The following ACSF2 variants were observed in gnomAD, a reference collection of about 807,000 sequenced individuals.
ACSF2 encodes the protein medium-chain acyl-CoA ligase ACSF2, mitochondrial.
Under a neutral mutation model 79.3 loss-of-function variants are expected in ACSF2, and 52 were observed. The observed-to-expected ratio is 0.66, with a 90% CI of 0.53 to 0.83. ACSF2 has a LOEUF of 0.83. ACSF2 is among the 40% of genes least tolerant of loss of function. ACSF2 has a pLI of 0.00. For synonymous variants in ACSF2, 283 were observed against 312.6 expected (o/e 0.91, Z 1.00); for missense variants, 661 against 803.3 (o/e 0.82, Z 2.14).
chr17:50,463,485 G>A lies in ACSF2; in HGVS notation c.979G>A (p.Ala327Thr). ...AGTMMCLMYG[A>T]TLILASPIFN... ...CACAATGATGTGTCTGATGTACGGT[G>A]CCACCCTCATCCTGGCCTCTCCCAT... The change falls in exon 8 of 16, where the codon GCC becomes ACC. Residue 327 changes from alanine (A) to threonine (T), a missense_variant. Transcript: ENST00000300441. The surrounding 1 kb of genome is among the most constrained non-coding windows in gnomAD (Gnocchi z 4.6). 1.9e-6 allele frequency: 3 copies of A among 1,614,168 alleles called. No individual in the cohort carries two copies. The highest frequency in any genetic ancestry group is 2.5e-6 in the Non-Finnish European group (3 of 1,180,046).
In ACSF2 at chr17:50,471,114, C is replaced by G; in HGVS notation, c.1302C>G (p.Gly434=). The G allele has an allele frequency of 6.2e-7, 1 of 1,613,938 alleles. No homozygotes were observed. Among genetic ancestry groups the G allele is most frequent in the Non-Finnish European group, 8.5e-7 (1 of 1,179,924 alleles). The change falls in exon 11 of 16, where the codon GGC becomes GGG. Residue 434 remains glycine (G), a synonymous_variant. Transcript: ENST00000300441. This position sits in a 1 kb window ranked among gnomAD's most constrained non-coding sequence, Gnocchi z 4.1. ...TGGAGCAGAAGGCAGAAAGCGTGGG[C>G]AGAATTATGCCTCACACGGAGGTGA... ...DTVEQKAESV[G]RIMPHTEARI... is the part of the protein sequence containing the mutation.
intron 1 of ACSF2, among the ~76,000 whole-genome samples, chr17:50,439,361 C>T (rs867393181): frequency 6.6e-6 from 1 of 151,728 alleles, no homozygotes; most frequent in Non-Finnish European, 1.5e-5. Context: ...AGGCATGAGC[C>T]ACCGTGTCCA....
chr17:50,461,951 T>TGTGTGTGTGTGTGTGTGTGC (rs112810352), intron 4 of ACSF2, among the ~76,000 whole-genome samples: 8 of 150,482 alleles, frequency 5.3e-5, no homozygotes, highest in African/African-American at 2.0e-4. Flanking sequence ...TGTGTGTGTG[T>TGTGTGTGTGTGTGTGTGTGC]GCGTGTGTCC....
At chr17:50,468,210 C>G in intron 10 of ACSF2, 1 of 1,613,196 alleles carries the variant, frequency 6.2e-7, no homozygotes. Context: ...TTCCTGTCCA[C>G]GTGGAATTTG....
At position 50,473,735 on chromosome 17, in the gene ACSF2, G is replaced by A; in HGVS notation, c.1546G>A (p.Gly516Ser). ...CCGCTCTAAGGATATGATCATCCGG[G>A]GTGGTGAGAACATCTACCCCGCAGA... ...VGRSKDMIIR[G>S]GENIYPAELE... The change falls in exon 13 of 16, where the codon GGT becomes AGT. Residue 516 changes from glycine to serine, a missense_variant. Physicochemically the swap from Gly to Ser is moderately conservative, Grantham distance 56. Coordinates refer to ENST00000300441, the MANE Select transcript of ACSF2 (RefSeq NM_025149.6). The A allele has an allele frequency of 6.2e-7, 1 of 1,614,256 alleles. No homozygotes were observed. The highest frequency in any genetic ancestry group is 8.5e-7 in the Non-Finnish European group (1 of 1,180,048).
At chr17:50,449,575 T>A (rs1336582993) in intron 1 of ACSF2, among the ~76,000 whole-genome samples, 3 of 151,524 alleles carry the variant, frequency 2.0e-5, no homozygotes, top group Non-Finnish European at 4.4e-5. Flanking sequence ...CGGCTAATTT[T>A]TTTTGTATTT....
rs772568444 is a variant in ACSF2, at chr17:50,463,232, G to A, written c.869G>A (p.Arg290His). 5.0e-6 allele frequency: 8 copies of A among 1,613,982 alleles called. No individual in the cohort carries two copies. The highest frequency in any genetic ancestry group is 2.2e-5 in the East Asian group (1 of 44,898). ...AACAACTCCAACATTTTAGGAGAGC[G>A]CCTGAAACTGCATGAGAAGGTGAGG... is the stretch of plus-strand genomic sequence containing the variant. The part of the protein sequence containing the change: ...IVNNSNILGE[R>H]LKLHEKTPEQ... Residue 290 changes from arginine to histidine, a missense_variant, in exon 7 of 16, where the codon CGC becomes CAC. Transcript: ENST00000300441. This position sits in a 1 kb window ranked among gnomAD's most constrained non-coding sequence, Gnocchi z 4.6.
intron 1 of ACSF2, among the ~76,000 whole-genome samples, chr17:50,427,654 T>C (rs977358532): frequency 3.3e-5 from 5 of 152,260 alleles, no homozygotes; most frequent in Non-Finnish European, 7.4e-5. Context: ...GTACATATTT[T>C]ATCACACTAA....
chr17:50,465,306 G>T, intron 10 of ACSF2: 1 of 1,614,100 alleles, frequency 6.2e-7, no homozygotes, highest in South Asian at 1.1e-5. Flanking sequence ...GTTTAATGGC[G>T]GCCAGCTTTC....
chr17:50,463,833 T>C lies in ACSF2; in HGVS notation c.1062T>C (p.Tyr354=), dbSNP rs767675694. ...TCCTATACAGAGGCACCTTCCTGTATGGTACCCCCACGATGTTCGTGGACA... is the reference window on the plus strand; with the variant it reads ...TCCTATACAGAGGCACCTTCCTGTACGGTACCCCCACGATGTTCGTGGACA... ...AISRERGTFL[Y]GTPTMFVDIL... is the part of the protein sequence containing the mutation. Residue 354 remains tyrosine, a synonymous_variant, in exon 9 of 16, where the codon TAT becomes TAC. Transcript: ENST00000300441. The surrounding 1 kb of genome is among the most constrained non-coding windows in gnomAD (Gnocchi z 4.6). 6.2e-7 allele frequency: 1 copy of C among 1,614,100 alleles called. No homozygotes were observed. The highest frequency in any genetic ancestry group is 1.1e-5 in the South Asian group (1 of 91,080).
intron 1 of ACSF2, among the ~76,000 whole-genome samples, chr17:50,429,492 G>A (rs990132921): frequency 2.0e-5 from 3 of 151,784 alleles, no homozygotes; most frequent in Admixed American, 6.6e-5. Context: ...TCCGTTTGAC[G>A]CAGGGCTGTT....
intron 1 of ACSF2, among the ~76,000 whole-genome samples, chr17:50,452,600 T>C (rs1407042480): frequency 2.6e-5 from 4 of 151,978 alleles, no homozygotes; most frequent in Non-Finnish European, 5.9e-5. Context: ...GGTTGATAGG[T>C]GCAGCAAACC....
intron 1 of ACSF2, among the ~76,000 whole-genome samples, chr17:50,429,131 C>G (rs1915292404): frequency 6.6e-6 from 1 of 152,278 alleles, no homozygotes; most frequent in South Asian, 2.1e-4. Flanking sequence ...TGAAGTTAGA[C>G]TATCCTGGAT....
At chr17:50,448,549 A>T (rs2031444313) in intron 1 of ACSF2, among the ~76,000 whole-genome samples, 1 of 152,230 alleles carries the variant, frequency 6.6e-6, no homozygotes, top group Admixed American at 6.5e-5. Flanking sequence ...AAGTATAACG[A>T]GTTTAATTGG....
rs1408440207 is a variant in ACSF2, at chr17:50,436,485, T to A, written c.128+10096T>A. Among the ~76,000 whole-genome samples the A allele has an allele frequency of 2.0e-5, 3 of 151,696 alleles. No individual in the cohort carries two copies. The South Asian group carries it at 6.2e-4, about 32-fold the overall frequency. On this transcript the variant is annotated intron_variant, in intron 1 of 15. Transcript: ENST00000300441. ...TTCACTCTTGTTGCCCAGGCTGGAGTGCAATGGTGCAATCTCGGATCACTG... is the reference window on the plus strand; with the variant it reads ...TTCACTCTTGTTGCCCAGGCTGGAGAGCAATGGTGCAATCTCGGATCACTG...
At position 50,460,701 on chromosome 17, in the gene ACSF2, C is replaced by G; in HGVS notation, c.153C>G (p.Val51=). 3 of 1,612,860 alleles carry G rather than the reference C, an allele frequency of 1.9e-6. No homozygotes were observed. The highest frequency in any genetic ancestry group is 2.5e-6 in the Non-Finnish European group (3 of 1,179,472). The change falls in exon 2 of 16, where the codon GTC becomes GTG. Residue 51 remains valine (V), a synonymous_variant. Transcript: ENST00000300441. ...FLSSREVDRM[V]STPIGGLSYV... is the part of the protein sequence containing the mutation. ...GTTCCAGAGAGGTGGATCGCATGGT[C>G]TCCACGCCCATCGGAGGCCTCAGCT...
intron 12 of ACSF2, 194 bp from the exon 13 acceptor site, chr17:50,473,471 G>T: frequency 1.5e-6 from 1 of 652,958 alleles, no homozygotes; most frequent in Non-Finnish European, 2.6e-6. Flanking sequence ...TATAGGTATT[G>T]TTTTGTTTTT....
intron 10 of ACSF2, chr17:50,464,812 G>A: frequency 8.3e-6 from 3 of 359,810 alleles, no homozygotes; most frequent in Non-Finnish European, 1.1e-5. Flanking sequence ...AGGAGCTGGA[G>A]GGTGGGGAAG....
At position 50,428,776 on chromosome 17, in the gene ACSF2, C is replaced by T. The variant is rs1915256079; in HGVS notation, c.128+2387C>T. Among the ~76,000 whole-genome samples, 4 of 152,222 alleles carry T rather than the reference C, an allele frequency of 2.6e-5. No individual in the cohort carries two copies. The South Asian group carries it at 8.3e-4, about 32-fold the overall frequency. On this transcript the variant is annotated intron_variant, in intron 1 of 15. Transcript: ENST00000300441. ...CAGTCTGGGTGACAGAGAAAGACTT[C>T]ATCTCAAAAAAATAAAAATAAAAAT...
Sources: allele counts gnomAD v4.1 joint callset (sites outside exome capture counted in the v4.1 genomes callset), GRCh38; gene constraint gnomAD v4.1.1; non-coding constraint Gnocchi (gnomAD v3.1); transcripts MANE v1.5; gene names NCBI Gene and HGNC (gene_info 2026-07-23, HGNC 2026-07-21).